Variants in KCNH5 observed in about 807,000 individuals in gnomAD.
KCNH5 encodes the protein potassium voltage-gated channel subfamily H member 5, also known as voltage-gated delayed rectifier potassium channel KCNH5.
A neutral mutation model predicts 96.1 loss-of-function variants in KCNH5; 46 were observed. That is an observed-to-expected ratio of 0.48 (90% CI 0.38 to 0.61). KCNH5 has a LOEUF of 0.61. Among genes scored for constraint, KCNH5 ranks in the 20% least tolerant of loss-of-function variants. The pLI is 0.00. For synonymous variants in KCNH5, 439 were observed against 449.8 expected, an observed-to-expected ratio of 0.98 and a Z score of 0.30; for missense variants, 907 against 1,225.8, an observed-to-expected ratio of 0.74 and a Z score of 3.88.
intron 7 of KCNH5, among the ~76,000 whole-genome samples, chr14:62,864,464 G>GTATC (rs149648753): frequency 6.6e-6 from 1 of 152,156 alleles, no homozygotes; most frequent in Admixed American, 6.5e-5. Context: ...AAGCTGACCT[G>GTATC]AGGCTTTAAA....
intron 7 of KCNH5, among the ~76,000 whole-genome samples, chr14:62,937,875 T>C (rs1889714643): frequency 6.6e-6 from 1 of 152,120 alleles, no homozygotes; most frequent in Non-Finnish European, 1.5e-5. Context: ...TCTGCTATTC[T>C]CTAGCTGGGT....
At chr14:62,887,884 T>C (rs1445144609) in intron 7 of KCNH5, among the ~76,000 whole-genome samples, 1 of 152,210 alleles carries the variant, frequency 6.6e-6, no homozygotes, top group African/African-American at 2.4e-5. Context: ...ACTTTTTTTC[T>C]CAACTGTGTT....
chr14:62,817,550 G>A (rs2140013908), intron 8 of KCNH5, among the ~76,000 whole-genome samples: 1 of 149,724 alleles, frequency 6.7e-6, no homozygotes, highest in South Asian at 2.1e-4. Flanking sequence ...TCACTTGATG[G>A]GAATAGCCAG....
chr14:62,734,219 T>C (rs1326076969), intron 10 of KCNH5, among the ~76,000 whole-genome samples: 1 of 152,080 alleles, frequency 6.6e-6, no homozygotes, highest in Non-Finnish European at 1.5e-5. Flanking sequence ...TCACCCGTCA[T>C]CATTCCACCA....
intron 10 of KCNH5, among the ~76,000 whole-genome samples, chr14:62,733,301 C>A (rs1338283481): frequency 6.6e-6 from 1 of 152,064 alleles, no homozygotes. Context: ...GAGGGTAGAA[C>A]CCTTATGATG....
At chr14:62,996,895 G>C (rs1302396926) in intron 4 of KCNH5, among the ~76,000 whole-genome samples, 2 of 152,184 alleles carry the variant, frequency 1.3e-5, no homozygotes, top group African/African-American at 2.4e-5. Flanking sequence ...GAGAGGAAAA[G>C]ACTATGATCA....
rs111408687 is a variant in KCNH5 at position 62,925,774 on chromosome 14, T to G, written c.1369+24359A>C. ...GCCTTGTAGACATAATTGTGTACTC[T>G]GAAGTTAGATTCCCAATTATGGATT... On this transcript the variant is annotated intron_variant, in intron 7 of 10. Transcript: ENST00000322893. Among the ~76,000 whole-genome samples the G allele has an allele frequency of 6.2e-4, 95 of 152,218 alleles. 2 individuals carry two copies. The highest frequency in any genetic ancestry group is 2.1e-3 in the African/African-American group (86 of 41,554).
At chr14:62,825,862 T>C (rs1385309471) in intron 8 of KCNH5, among the ~76,000 whole-genome samples, 3 of 152,076 alleles carry the variant, frequency 2.0e-5, no homozygotes, top group Admixed American at 1.3e-4. Context: ...CCTGTTTCCC[T>C]TTTTTCTACT....
chr14:62,739,208 T>G (rs1595601020), intron 10 of KCNH5, among the ~76,000 whole-genome samples: 6 of 152,286 alleles, frequency 3.9e-5, no homozygotes, highest in Admixed American at 3.9e-4. Flanking sequence ...ACAGTGGTAT[T>G]TGGCACTTCT....
At chr14:62,998,144 T>C (rs1890944930) in intron 4 of KCNH5, among the ~76,000 whole-genome samples, 2 of 152,146 alleles carry the variant, frequency 1.3e-5, no homozygotes, top group African/African-American at 4.8e-5. Flanking sequence ...TTATTAATTA[T>C]TGTTAATTTT....
chr14:63,027,151 C>T (rs1891538000), intron 1 of KCNH5, among the ~76,000 whole-genome samples: 1 of 89,824 alleles, frequency 1.1e-5, no homozygotes, highest in Non-Finnish European at 2.1e-5. Context: ...AAAAGTCAAA[C>T]TCATAGAAAC....
intron 1 of KCNH5, among the ~76,000 whole-genome samples, chr14:63,043,024 C>T (rs1301445003): frequency 6.6e-6 from 1 of 151,928 alleles, no homozygotes; most frequent in Non-Finnish European, 1.5e-5. Context: ...AAACATTTAA[C>T]CAATGAAACG....
chr14:62,855,656 C>T (rs1002986999), intron 7 of KCNH5, among the ~76,000 whole-genome samples: 6 of 152,134 alleles, frequency 3.9e-5, no homozygotes, highest in Non-Finnish European at 7.3e-5. Context: ...TTATGACACA[C>T]ATCACAGCCC....
intron 10 of KCNH5, among the ~76,000 whole-genome samples, chr14:62,748,006 G>A (rs1047270729): frequency 2.6e-5 from 4 of 152,128 alleles, no homozygotes; most frequent in African/African-American, 9.7e-5. Context: ...GCCACTAAAC[G>A]TTATACTTAG....
At chr14:62,773,244 C>T (rs995021121) in intron 10 of KCNH5, among the ~76,000 whole-genome samples, 3 of 152,192 alleles carry the variant, frequency 2.0e-5, no homozygotes, top group African/African-American at 7.2e-5. Flanking sequence ...GAATTTTTCT[C>T]ATCTCTAAAG....
chr14:62,987,131 G>T lies in KCNH5; in HGVS notation c.490C>A (p.Gln164Lys). 6.2e-7 allele frequency: 1 copy of T among 1,613,602 alleles called. No individual in the cohort carries two copies. Among genetic ancestry groups the T allele is most frequent in the South Asian group, 1.1e-5 (1 of 91,062 alleles). ...GTTTTATTCATTGGCGTGAGCTGCT[G>T]CAAAACACTTCGGCTATTTGTCAAA... The part of the protein sequence containing the change: ...RALTNSRSVL[Q>K]QLTPMNKTEV... The change falls in exon 5 of 11, where the codon CAG becomes AAG. Residue 164 changes from glutamine to lysine, a missense_variant. Physicochemically the swap from Gln to Lys is moderately conservative, Grantham distance 53. Transcript: ENST00000322893.
chr14:62,727,345 A>G (rs1884950116), intron 10 of KCNH5, among the ~76,000 whole-genome samples: 1 of 152,166 alleles, frequency 6.6e-6, no homozygotes, highest in Non-Finnish European at 1.5e-5. Context: ...AGCATGGGCA[A>G]CAGAGTGAGA....
intron 6 of KCNH5, among the ~76,000 whole-genome samples, chr14:62,976,384 C>G (rs1594654943): frequency 7.8e-6 from 1 of 128,694 alleles, no homozygotes; most frequent in African/African-American, 3.0e-5. Flanking sequence ...GCCTGGGTGA[C>G]AGAGCGAGAC....
rs928579486 is a variant in KCNH5 at position 62,865,614 on chromosome 14, G to A, written c.1370-15762C>T. On this transcript the variant is annotated intron_variant, in intron 7 of 10. Transcript: ENST00000322893. ...CCTGGAGGGCCCGGGGGCTATCTGCGCTGTCTTGGCACTCTGCATATTCAG... is the reference window on the plus strand; with the variant it reads ...CCTGGAGGGCCCGGGGGCTATCTGCACTGTCTTGGCACTCTGCATATTCAG... 7.2e-5 allele frequency among the ~76,000 whole-genome samples: 11 copies of A among 152,256 alleles called. No homozygotes were observed. In the South Asian group the frequency reaches 1.0e-3, roughly 14 times the overall value.
Sources: allele counts gnomAD v4.1 joint callset (sites outside exome capture counted in the v4.1 genomes callset), GRCh38; gene constraint gnomAD v4.1.1; transcripts MANE v1.5; gene names NCBI Gene and HGNC (gene_info 2026-07-23, HGNC 2026-07-21).